The following DYDC1 variants were observed in gnomAD, a reference collection of about 807,000 sequenced individuals.
DYDC1 encodes the protein DPY30 domain containing 1.
A neutral mutation model predicts 27.9 loss-of-function variants in DYDC1; 21 were observed. The ratio of observed to expected loss-of-function variants is 0.75; its 90% CI spans 0.53 to 1.08. DYDC1 has a LOEUF of 1.08. Among genes scored for constraint, DYDC1 ranks in the 50% least tolerant of loss-of-function variants. DYDC1 has a pLI of 0.00. For missense variants in DYDC1, 202 were observed against 205.9 expected, an observed-to-expected ratio of 0.98 and a Z score of 0.12; for synonymous variants, 67 against 65.8, an observed-to-expected ratio of 1.02 and a Z score of -0.09.
chr10:80,353,264 C>T (rs1329141987), intron 1 of DYDC1, among the ~76,000 whole-genome samples: 2 of 151,982 alleles, frequency 1.3e-5, no homozygotes, highest in African/African-American at 4.8e-5. Flanking sequence ...AGTTCACCTC[C>T]AGACATCATC....
chr10:80,340,148 G>A (rs1842269975), intron 4 of DYDC1, among the ~76,000 whole-genome samples: 1 of 152,182 alleles, frequency 6.6e-6, no homozygotes, highest in South Asian at 2.1e-4. Flanking sequence ...AATAACCAGG[G>A]AGCAGCAGAG....
rs1843071721 is a variant in DYDC1 at position 80,352,632 on chromosome 10, A to G, written c.-9-22T>C. 3 of 1,592,370 alleles carry G rather than the reference A, an allele frequency of 1.9e-6. 1 individual carries two copies. The highest frequency in any genetic ancestry group is 2.6e-6 in the Non-Finnish European group (3 of 1,172,676). On this transcript the variant is annotated intron_variant, in intron 1 of 6. Coordinates refer to ENST00000372202, the MANE Select transcript of DYDC1 (RefSeq NM_001269053.2). ...ACTCCTAAAAAGTAAGTGTTTTTGC[A>G]TTACTGCAGGATATTTTCAATAAAG...
rs192387499 is a variant in DYDC1 at position 80,341,822 on chromosome 10, C to G, written c.342+447G>C. On this transcript the variant is annotated intron_variant, in intron 4 of 6. Transcript: ENST00000372202. ...GGTGGATCACCTGAGGTCAGGAGTT[C>G]GAGACCAACCTGACCAACATGGAGA... 1.8e-4 allele frequency among the ~76,000 whole-genome samples: 27 copies of G among 152,104 alleles called. 1 individual carries two copies. In the East Asian group the frequency reaches 5.0e-3, roughly 28 times the overall value.
chr10:80,355,961 A>G (rs888865942), intron 1 of DYDC1, among the ~76,000 whole-genome samples: 13 of 151,058 alleles, frequency 8.6e-5, no homozygotes, highest in African/African-American at 2.9e-4. Flanking sequence ...CTACACAGAC[A>G]TCTCAAAGTC....
rs183462728 is a variant in DYDC1 at position 80,351,826 on chromosome 10, C to A, written c.249+75G>T. The A allele has an allele frequency of 1.4e-4, 193 of 1,354,026 alleles. No individual in the cohort carries two copies. The African/African-American group carries it at 2.6e-3, about 18-fold the overall frequency. 83.9% of individuals were successfully genotyped at this position (1,354,026 alleles called of 1,614,324 possible). ...AAATAACTGGAGCTGGGAAGTTTAT[C>A]AACATTTAGGCTGTGCCATGCTGAG... is the stretch of plus-strand genomic sequence containing the variant. On this transcript the variant is annotated intron_variant, in intron 3 of 6. Transcript: ENST00000372202.
chr10:80,347,051 G>C (rs1241137946), intron 3 of DYDC1, among the ~76,000 whole-genome samples: 1 of 151,792 alleles, frequency 6.6e-6, no homozygotes, highest in African/African-American at 2.4e-5. Flanking sequence ...CTTCACTCCA[G>C]CCTGGGTGAA....
intron 3 of DYDC1, among the ~76,000 whole-genome samples, chr10:80,346,986 AG>A: frequency 6.6e-6 from 1 of 151,926 alleles, no homozygotes; most frequent in East Asian, 2.0e-4. Context: ...AGGCTGAGGC[AG>A]GAGAATCGCT....
intron 1 of DYDC1, chr10:80,356,475 G>C: frequency 3.0e-6 from 3 of 985,342 alleles, no homozygotes; most frequent in Non-Finnish European, 3.6e-6. Context: ...TTTCCCACCC[G>C]GGAGTCTGGA....
intron 3 of DYDC1, among the ~76,000 whole-genome samples, chr10:80,342,994 AAAAAG>A (rs1249351951): frequency 4.6e-5 from 7 of 151,060 alleles, no homozygotes; most frequent in African/African-American, 7.3e-5. Context: ...AAAAAAAAAA[AAAAAG>A]AAAAGAAGAA....
chr10:80,349,843 A>C (rs140912083), intron 3 of DYDC1, among the ~76,000 whole-genome samples: 20 of 152,334 alleles, frequency 1.3e-4, no homozygotes, highest in African/African-American at 4.6e-4. Context: ...TCTTACTTCA[A>C]AACTAAGCTC....
chr10:80,342,248 A>G (rs377744762), intron 4 of DYDC1, 21 bp downstream of exon 4: 8 of 1,607,066 alleles, frequency 5.0e-6, no homozygotes, highest in Non-Finnish European at 6.8e-6. Flanking sequence ...TAAAACTGAC[A>G]TTTATAAAAC....
rs141795170 is a variant in DYDC1 at position 80,340,446 on chromosome 10, T to C, written c.343-1293A>G. 1.2e-3 allele frequency among the ~76,000 whole-genome samples: 180 copies of C among 152,308 alleles called. 1 individual carries two copies. Among genetic ancestry groups the C allele is most frequent in the African/African-American group, 4.2e-3 (176 of 41,568 alleles). The stretch of plus-strand genomic sequence containing the variant: ...ATAAGCCTATAGAAATAGGAATTAC[T>C]AAAGTTATTCTGGCAGTGGTCACAC... On this transcript the variant is annotated intron_variant, in intron 4 of 6. Transcript: ENST00000372202.
At chr10:80,349,314 A>G (rs1182314223) in intron 3 of DYDC1, among the ~76,000 whole-genome samples, 2 of 152,218 alleles carry the variant, frequency 1.3e-5, no homozygotes, top group African/African-American at 4.8e-5. Context: ...TCTAATAAAA[A>G]ATTTATATTC....
chr10:80,346,204 G>A (rs965690764), intron 3 of DYDC1, among the ~76,000 whole-genome samples: 1 of 152,018 alleles, frequency 6.6e-6, no homozygotes, highest in Non-Finnish European at 1.5e-5. Context: ...TCCAAATCTT[G>A]GCTATTGTAA....
chr10:80,352,900 A>G (rs1774269967), intron 1 of DYDC1, among the ~76,000 whole-genome samples: 1 of 152,246 alleles, frequency 6.6e-6, no homozygotes, highest in African/African-American at 2.4e-5. Context: ...CTTGATGCCA[A>G]GTAATGTGGG....
intron 5 of DYDC1, 122 bp downstream of exon 5, chr10:80,338,975 T>C (rs1010080155): frequency 5.5e-6 from 3 of 541,274 alleles, no homozygotes; most frequent in Non-Finnish European, 9.5e-6. Flanking sequence ...AAAATATACA[T>C]GGACTATCAG....
At chr10:80,355,986 T>TA (rs370903702) in intron 1 of DYDC1, among the ~76,000 whole-genome samples, 3,778 of 118,870 alleles carry the variant, frequency 0.032, 164 homozygotes, top group African/African-American at 0.097. Context: ...GAAGTGAAGT[T>TA]AAAAAAAAAA....
At chr10:80,336,808 T>C (rs754257409) in intron 6 of DYDC1, among the ~76,000 whole-genome samples, 1 of 152,236 alleles carries the variant, frequency 6.6e-6, no homozygotes, top group Non-Finnish European at 1.5e-5. Flanking sequence ...TAAGCCAATC[T>C]TAAATCCACT....
At position 80,352,567 on chromosome 10, in the gene DYDC1, G is replaced by T; in HGVS notation, c.35C>A (p.Ala12Asp). 5.0e-6 allele frequency: 8 copies of T among 1,611,146 alleles called. No homozygotes were observed. The highest frequency in any genetic ancestry group is 6.8e-6 in the Non-Finnish European group (8 of 1,179,240). ...TTCTGCAAGACCTTGAGTTAAACAG[G>T]CCCCAAGGTGCTTTTGAAGATATAT... is the stretch of plus-strand genomic sequence containing the variant. ...ESIYLQKHLG[A>D]CLTQGLAEVA... The change falls in exon 2 of 7, where the codon GCC becomes GAC. Residue 12 changes from alanine to aspartate, a missense_variant. Coordinates refer to ENST00000372202, the MANE Select transcript of DYDC1 (RefSeq NM_001269053.2).
Sources: gnomAD v4.1 joint callset for allele counts (sites outside exome capture counted in the v4.1 genomes callset) on GRCh38, gnomAD v4.1.1 for gene constraint, MANE v1.5 for transcripts, NCBI Gene and HGNC (gene_info 2026-07-23, HGNC 2026-07-21) for gene names.